Variants in GRM7 observed in about 807,000 individuals in gnomAD.
GRM7 encodes glutamate metabotropic receptor 7.
In GRM7, 35 loss-of-function variants were observed where a neutral mutation model predicts 84.5. That is an observed-to-expected ratio of 0.41 (90% CI 0.32 to 0.55). The LOEUF (loss-of-function observed/expected upper bound fraction) is 0.55. Ranked by LOEUF, GRM7 falls within the 20% of genes least tolerant of loss-of-function variation. GRM7 has a pLI of 0.19. For missense variants in GRM7, 1,003 were observed against 1,194.6 expected (o/e 0.84, Z 2.36); for synonymous variants, 487 against 455.1 (o/e 1.07, Z -0.89).
chr3:7,603,573 T>C (rs966756102), intron 8 of GRM7, among the ~76,000 whole-genome samples: 3 of 152,196 alleles, frequency 2.0e-5, no homozygotes, highest in African/African-American at 4.8e-5. Context: ...TGGTGACTTA[T>C]ATTTATCTCT....
At chr3:7,398,899 T>G (rs1428860233) in intron 4 of GRM7, among the ~76,000 whole-genome samples, 1 of 152,074 alleles carries the variant, frequency 6.6e-6, no homozygotes, top group Non-Finnish European at 1.5e-5. Context: ...TTTCTACTTC[T>G]CTGACAATTC....
At chr3:7,108,141 T>C (rs1052829453) in intron 1 of GRM7, among the ~76,000 whole-genome samples, 2 of 152,094 alleles carry the variant, frequency 1.3e-5, no homozygotes, top group Admixed American at 1.3e-4. Flanking sequence ...GGAGATCATT[T>C]ACCTTCATAA....
chr3:7,271,500 A>G (rs191024462), intron 2 of GRM7, among the ~76,000 whole-genome samples: 4,802 of 149,324 alleles, frequency 0.032, 145 homozygotes, highest in African/African-American at 0.082. Flanking sequence ...CGGAGCTTGC[A>G]GTGAGCTGAA....
At chr3:7,628,250 G>A (rs1697707169) in intron 8 of GRM7, among the ~76,000 whole-genome samples, 1 of 151,858 alleles carries the variant, frequency 6.6e-6, no homozygotes, top group Non-Finnish European at 1.5e-5. Flanking sequence ...TTTTCCTGAG[G>A]GCCTACTGTG....
At chr3:7,078,795 G>A (rs570458189) in intron 1 of GRM7, among the ~76,000 whole-genome samples, 21 of 151,824 alleles carry the variant, frequency 1.4e-4, no homozygotes, top group African/African-American at 4.8e-4. Context: ...CAAGTGGGGA[G>A]GAAATGTAGG....
intron 2 of GRM7, among the ~76,000 whole-genome samples, chr3:7,268,177 C>A (rs1439813280): frequency 6.6e-6 from 1 of 152,034 alleles, no homozygotes; most frequent in Non-Finnish European, 1.5e-5. Flanking sequence ...ATAAAGGAAT[C>A]AGATGTTAAA....
chr3:7,314,818 ATTTAT>A (rs1347759129), intron 4 of GRM7, among the ~76,000 whole-genome samples: 2 of 151,878 alleles, frequency 1.3e-5, no homozygotes, highest in African/African-American at 4.8e-5. Context: ...ATATCTTCCT[ATTTAT>A]TTGTATTTTT....
At chr3:6,937,273 G>T (rs1403104576) in intron 1 of GRM7, among the ~76,000 whole-genome samples, 1 of 152,182 alleles carries the variant, frequency 6.6e-6, no homozygotes, top group African/African-American at 2.4e-5. Flanking sequence ...CTCATCAGAA[G>T]AATGGAAAAT....
chr3:7,595,563 T>G (rs1197651567), intron 8 of GRM7, among the ~76,000 whole-genome samples: 2 of 151,992 alleles, frequency 1.3e-5, no homozygotes, highest in East Asian at 3.9e-4. Context: ...AATATGAGTA[T>G]GTAATATATC....
chr3:7,294,744 A>T (rs1159691024), intron 2 of GRM7, among the ~76,000 whole-genome samples: 1 of 152,132 alleles, frequency 6.6e-6, no homozygotes, highest in African/African-American at 2.4e-5. Context: ...TCACCTGGGA[A>T]CCTGTTCCAA....
At chr3:7,044,903 G>A (rs1190691328) in intron 1 of GRM7, among the ~76,000 whole-genome samples, 1 of 152,120 alleles carries the variant, frequency 6.6e-6, no homozygotes, top group Non-Finnish European at 1.5e-5. Flanking sequence ...TGCTCAATTT[G>A]CAGGTCATTT....
At chr3:7,521,804 G>T (rs1700605886) in intron 7 of GRM7, among the ~76,000 whole-genome samples, 1 of 152,134 alleles carries the variant, frequency 6.6e-6, no homozygotes, top group South Asian at 2.1e-4. Flanking sequence ...GCCCTCCCAA[G>T]TAGACACGTA....
At chr3:7,472,306 T>A (rs139139572) in intron 7 of GRM7, among the ~76,000 whole-genome samples, 1 of 152,174 alleles carries the variant, frequency 6.6e-6, no homozygotes. Flanking sequence ...TAAAATGGAC[T>A]AAGAGAGTTC....
intron 1 of GRM7, among the ~76,000 whole-genome samples, chr3:7,036,342 T>C (rs1263643754): frequency 6.6e-6 from 1 of 151,970 alleles, no homozygotes; most frequent in African/African-American, 2.4e-5. Context: ...CTTATGGGAG[T>C]GGGCTTACCT....
At chr3:7,417,218 G>A (rs192788991) in intron 5 of GRM7, among the ~76,000 whole-genome samples, 2 of 152,130 alleles carry the variant, frequency 1.3e-5, no homozygotes, top group East Asian at 1.9e-4. Flanking sequence ...TAAATTATAA[G>A]TGTACCCAAA....
intron 7 of GRM7, among the ~76,000 whole-genome samples, chr3:7,545,143 G>A (rs113895767): frequency 1.3e-5 from 2 of 152,200 alleles, no homozygotes; most frequent in Non-Finnish European, 2.9e-5. Context: ...CTGCTACAGA[G>A]CAAGTAGAAA....
intron 5 of GRM7, among the ~76,000 whole-genome samples, chr3:7,447,222 G>A (rs1697556099): frequency 6.6e-6 from 1 of 152,102 alleles, no homozygotes; most frequent in Non-Finnish European, 1.5e-5. Flanking sequence ...ATATAATAAT[G>A]TCTTATTAAA....
At chr3:7,633,698 T>C (rs137892010) in intron 8 of GRM7, among the ~76,000 whole-genome samples, 2,638 of 152,166 alleles carry the variant, frequency 0.017, 83 homozygotes, top group African/African-American at 0.06. Context: ...TCTTAGAAGA[T>C]AATAACAAAA....
chr3:7,034,840 G>GA (rs1696326249), intron 1 of GRM7, among the ~76,000 whole-genome samples: 2 of 152,202 alleles, frequency 1.3e-5, no homozygotes, highest in African/African-American at 4.8e-5. Flanking sequence ...GCTCAGGAGT[G>GA]AAAGTGTTGC....
Sources: gnomAD v4.1 joint callset for allele counts (sites outside exome capture counted in the v4.1 genomes callset) on GRCh38, gnomAD v4.1.1 for gene constraint, MANE v1.5 for transcripts, NCBI Gene and HGNC (gene_info 2026-07-23, HGNC 2026-07-21) for gene names.